Variants in ZNF131 observed in about 807,000 individuals in gnomAD.
ZNF131 encodes the protein zinc finger and BTB domain containing 35, also known as zinc finger protein 131.
ZNF131 carries 7 observed loss-of-function variants against 60.0 expected under a neutral mutation model. The observed-to-expected ratio is 0.12, with a 90% CI of 0.07 to 0.22. The LOEUF is 0.22. Among genes scored for constraint, ZNF131 ranks in the 10% least tolerant of loss-of-function variants. The probability of loss-of-function intolerance (pLI) is 1.00; values close to 1 mark genes in which losing one functional copy is unlikely to be tolerated. For synonymous variants in ZNF131, 257 were observed against 253.2 expected (o/e 1.01, Z -0.14); for missense variants, 493 against 740.9 (o/e 0.67, Z 3.88).
rs879268441 is a variant in ZNF131, at chr5:43,120,943, A to G, written c.-196A>G. The G allele has an allele frequency of 6.6e-6, 1 of 152,152 alleles. No homozygotes were observed. The highest frequency in any genetic ancestry group is 2.4e-5 in the African/African-American group (1 of 41,438). 9.4% of individuals were successfully genotyped at this position (152,152 alleles called of 1,614,324 possible). ...CCGCGGCCGCCCGGGTGCCCAACCG[A>G]ACGCACGTGCGCCAGCGGGGCCCGA... On this transcript the variant is annotated 5_prime_UTR_variant, in exon 1 of 7. Coordinates refer to ENST00000682664, the MANE Select transcript of ZNF131 (RefSeq NM_001330707.2).
chr5:43,153,998 C>T (rs1748649455), intron 4 of ZNF131, among the ~76,000 whole-genome samples: 1 of 152,180 alleles, frequency 6.6e-6, no homozygotes, highest in East Asian at 1.9e-4. Flanking sequence ...AAAGCTGAAC[C>T]ATTATCAGAC....
At position 43,126,564 on chromosome 5, in the gene ZNF131, G is replaced by A. The variant is rs1233526681; in HGVS notation, c.226+3254G>A. Among the ~76,000 whole-genome samples the A allele has an allele frequency of 3.9e-5, 6 of 152,098 alleles. No homozygotes were observed. The East Asian group carries it at 5.8e-4, about 15-fold the overall frequency. ...CACAAGCTCCCAAGAGTTTCTTTTC[G>A]TGGTTCTTTGGTGAGAAAACTGGAA... On this transcript the variant is annotated intron_variant, in intron 3 of 6. Coordinates refer to ENST00000682664, the MANE Select transcript of ZNF131 (RefSeq NM_001330707.2).
At chr5:43,125,786 A>G (rs1744472383) in intron 3 of ZNF131, among the ~76,000 whole-genome samples, 1 of 149,250 alleles carries the variant, frequency 6.7e-6, no homozygotes, top group Non-Finnish European at 1.5e-5. Flanking sequence ...GTCTCAAAGA[A>G]AAAAAAAAGG....
intron 4 of ZNF131, among the ~76,000 whole-genome samples, chr5:43,157,598 A>G (rs1749119127): frequency 6.6e-6 from 1 of 152,046 alleles, no homozygotes; most frequent in Admixed American, 6.6e-5. Flanking sequence ...TCCTGCAACC[A>G]CCTTCCAAGT....
chr5:43,135,315 C>CT (rs1368853392), intron 3 of ZNF131, among the ~76,000 whole-genome samples: 1 of 150,316 alleles, frequency 6.7e-6, no homozygotes, highest in Non-Finnish European at 1.5e-5. Context: ...TTTTTATACA[C>CT]TAACAATGAA....
chr5:43,121,958 TTTG>T (rs1222752590), intron 1 of ZNF131, 78 bp from the exon 2 acceptor site: 310 of 1,432,462 alleles, frequency 2.2e-4, no homozygotes, highest in Non-Finnish European at 9.6e-5. Context: ...GCTGGTTTTT[TTTG>T]TTGTTGTTTT....
intron 4 of ZNF131, among the ~76,000 whole-genome samples, chr5:43,140,379 A>T (rs891591668): frequency 2.0e-5 from 3 of 152,298 alleles, no homozygotes; most frequent in Admixed American, 6.5e-5. Flanking sequence ...GTGTGGCCTT[A>T]ATTAAGTTAC....
At chr5:43,131,452 C>T (rs1048584636) in intron 3 of ZNF131, among the ~76,000 whole-genome samples, 5 of 152,044 alleles carry the variant, frequency 3.3e-5, no homozygotes, top group East Asian at 1.9e-4. Context: ...GGATTATAGA[C>T]GTGAGCCACC....
intron 3 of ZNF131, among the ~76,000 whole-genome samples, chr5:43,126,823 C>T (rs765005734): frequency 6.6e-6 from 1 of 152,142 alleles, no homozygotes; most frequent in Non-Finnish European, 1.5e-5. Flanking sequence ...TGAGGCAGAG[C>T]TGAGAGAGAA....
intron 5 of ZNF131, among the ~76,000 whole-genome samples, chr5:43,163,125 A>T (rs933330580): frequency 2.6e-5 from 4 of 151,154 alleles, no homozygotes; most frequent in African/African-American, 9.7e-5. Context: ...GGCGAGCACC[A>T]CCACGCCCCT....
At chr5:43,157,854 T>G (rs1213742358) in intron 4 of ZNF131, among the ~76,000 whole-genome samples, 1 of 152,226 alleles carries the variant, frequency 6.6e-6, no homozygotes, top group African/African-American at 2.4e-5. Context: ...AGTCTCTGCC[T>G]TCATCTTCAC....
At chr5:43,153,694 T>C (rs1326774845) in intron 4 of ZNF131, among the ~76,000 whole-genome samples, 2 of 151,912 alleles carry the variant, frequency 1.3e-5, no homozygotes, top group Non-Finnish European at 2.9e-5. Flanking sequence ...CTTTTTCAGA[T>C]TGGGTTTATA....
chr5:43,139,016 A>G, intron 3 of ZNF131, 149 bp from the exon 4 acceptor site: 2 of 578,182 alleles, frequency 3.5e-6, no homozygotes, highest in Middle Eastern at 5.0e-4. Context: ...CTGTAATATT[A>G]TTGTATTGCT....
chr5:43,166,701 A>G (rs1271160368), intron 5 of ZNF131, among the ~76,000 whole-genome samples: 2 of 141,588 alleles, frequency 1.4e-5, no homozygotes, highest in East Asian at 2.1e-4. Flanking sequence ...TGTCGCCCAG[A>G]CTGGAGTGCA....
At chr5:43,169,795 C>CT (rs199970490) in intron 5 of ZNF131, among the ~76,000 whole-genome samples, 3,417 of 142,604 alleles carry the variant, frequency 0.024, 111 homozygotes, top group African/African-American at 0.076. Flanking sequence ...GCACTTTTTT[C>CT]TTTTTTTTTT....
chr5:43,147,228 TG>T (rs1234587677), intron 4 of ZNF131, among the ~76,000 whole-genome samples: 2 of 152,028 alleles, frequency 1.3e-5, no homozygotes, highest in Non-Finnish European at 2.9e-5. Flanking sequence ...GACTTTTGCA[TG>T]TTTTTTTTTA....
At chr5:43,170,462 G>C (rs1213679052) in intron 5 of ZNF131, among the ~76,000 whole-genome samples, 1 of 152,082 alleles carries the variant, frequency 6.6e-6, no homozygotes, top group Non-Finnish European at 1.5e-5. Flanking sequence ...AGGACTGCTG[G>C]AGGAAATTCA....
chr5:43,138,832 G>C (rs1339551710), intron 3 of ZNF131, among the ~76,000 whole-genome samples: 1 of 152,190 alleles, frequency 6.6e-6, no homozygotes, highest in African/African-American at 2.4e-5. Flanking sequence ...AAAAGCTATT[G>C]AAGATTTTGG....
In ZNF131 at chr5:43,161,233, A is replaced by G. The variant is rs772580527; in HGVS notation, c.372-16A>G. 1.9e-6 allele frequency: 3 copies of G among 1,574,342 alleles called. No homozygotes were observed. The highest frequency in any genetic ancestry group is 1.2e-5 in the South Asian group (1 of 83,264). Reference sequence around the variant, plus strand: ...CTTCTTATAGATTTTTTAAACCCCTACATTATGTATTTCAGGAACAAAGAA... The same window carrying G: ...CTTCTTATAGATTTTTTAAACCCCTGCATTATGTATTTCAGGAACAAAGAA... On this transcript the variant is annotated splice_polypyrimidine_tract_variant and intron_variant, in intron 4 of 6. Transcript: ENST00000682664.
Sources: allele counts gnomAD v4.1 joint callset (sites outside exome capture counted in the v4.1 genomes callset), GRCh38; gene constraint gnomAD v4.1.1; transcripts MANE v1.5; gene names NCBI Gene and HGNC (gene_info 2026-07-23, HGNC 2026-07-21).